Variants in ADGRA3 observed in about 807,000 individuals in gnomAD.
The protein encoded by ADGRA3 is G-protein coupled receptor 125.
ADGRA3 carries 56 observed loss-of-function variants against 119.8 expected under a neutral mutation model. The observed-to-expected ratio is 0.47, with a 90% confidence interval of 0.38 to 0.58. ADGRA3 has a LOEUF of 0.58. ADGRA3 is among the 20% of genes least tolerant of loss of function. ADGRA3 has a pLI of 0.00. For synonymous variants in ADGRA3, 607 were observed against 623.8 expected (o/e 0.97, Z 0.40); for missense variants, 1,516 against 1,649.0 (o/e 0.92, Z 1.40).
chr4:22,442,990 T>G, intron 6 of ADGRA3, 127 bp from the exon 7 acceptor site: 116 of 720,086 alleles, frequency 1.6e-4, no homozygotes, highest in Non-Finnish European at 2.6e-4. Flanking sequence ...ATCAGCATGC[T>G]ACTGCTAGTA....
At chr4:22,412,549 A>G (rs1400587291) in intron 14 of ADGRA3, among the ~76,000 whole-genome samples, 1 of 152,178 alleles carries the variant, frequency 6.6e-6, no homozygotes, top group Admixed American at 6.5e-5. Flanking sequence ...CAAATATTCC[A>G]AAATCTGAAA....
In ADGRA3 at chr4:22,480,789, A is replaced by C. The variant is rs138623749; in HGVS notation, c.258-6946T>G. Among the ~76,000 whole-genome samples, 416 of 152,298 alleles carry C rather than the reference A, an allele frequency of 2.7e-3. 2 individuals are homozygous for C. Among genetic ancestry groups the C allele is most frequent in the African/African-American group, 9.7e-3 (403 of 41,562 alleles). The stretch of plus-strand genomic sequence containing the variant: ...ATGGAATTCTTTTGTCTATCTACAA[A>C]ATGAAATACCAGAAAGATGCAGTGT... On this transcript the variant is annotated intron_variant, in intron 1 of 18. Transcript: ENST00000334304.
chr4:22,389,174 C>G lies in ADGRA3; in HGVS notation c.2637G>C (p.Leu879=). 6.2e-7 allele frequency: 1 copy of G among 1,611,586 alleles called. No individual in the cohort carries two copies. The highest frequency in any genetic ancestry group is 1.1e-5 in the South Asian group (1 of 90,934). The change falls in exon 18 of 19, where the codon CTG becomes CTC. Residue 879 remains leucine (L), a synonymous_variant. Coordinates refer to ENST00000334304, the MANE Select transcript of ADGRA3 (RefSeq NM_145290.4). The part of the protein sequence containing the change: ...PPPRPMLRFY[L]IGGGIPIIVC... ...CAATGATGGGGATACCACCACCAAT[C>G]AGGTAAAATCTAGAAGGAGGAATCA...
At position 22,454,834 on chromosome 4, in the gene ADGRA3, A is replaced by AT; in HGVS notation, c.473+31dup. 3 of 1,532,636 alleles carry AT rather than the reference A, an allele frequency of 2.0e-6. No individual in the cohort carries two copies. In the South Asian group the frequency reaches 3.4e-5, roughly 17 times the overall value. The allele number at this position is 1,532,636 out of a possible 1,614,324, so 94.9% of individuals were successfully genotyped here. ...TAGGTACTGGCTCAAATGCTTCCTTATCTTTTAATGGGAAAGAAAAGATAT... is the reference window on the plus strand; with the variant it reads ...TAGGTACTGGCTCAAATGCTTCCTTATTCTTTTAATGGGAAAGAAAAGATAT... On this transcript the variant is annotated intron_variant, in intron 4 of 18. Transcript: ENST00000334304.
chr4:22,444,231 C>T (rs530741701), intron 6 of ADGRA3, among the ~76,000 whole-genome samples: 65 of 152,186 alleles, frequency 4.3e-4, no homozygotes, highest in African/African-American at 1.5e-3. Flanking sequence ...ACATACAAAG[C>T]TGATCATTTC....
In ADGRA3 at chr4:22,388,094, C is replaced by A; in HGVS notation, c.3577G>T (p.Asp1193Tyr). The A allele has an allele frequency of 1.9e-6, 3 of 1,614,152 alleles. No homozygotes were observed. The highest frequency in any genetic ancestry group is 2.5e-6 in the Non-Finnish European group (3 of 1,180,018). Residue 1193 changes from aspartate (D) to tyrosine (Y), a missense_variant, in exon 19 of 19, where the codon GAT (aspartate) becomes TAT (tyrosine). By Grantham distance (160) the Asp-to-Tyr change is radical (BLOSUM62 -3). Around this residue, in one of 2 missense-constraint regions of ADGRA3, gnomAD observed 1,088 missense variants for 1,107.1 expected, o/e 0.98. Coordinates refer to ENST00000334304, the MANE Select transcript of ADGRA3 (RefSeq NM_145290.4). ...RLTVLREYAY[D>Y]VPTSVEGSVQ... ...CTTCCTTCCACGCTCGTTGGGACAT[C>A]GTAGGCATATTCTCTCAGGACTGTG...
intron 2 of ADGRA3, among the ~76,000 whole-genome samples, chr4:22,462,016 T>G (rs1485346679): frequency 2.0e-5 from 3 of 152,174 alleles, no homozygotes; most frequent in Admixed American, 2.0e-4. Flanking sequence ...GCCTTTTGGT[T>G]TGGTCAATAA....
intron 16 of ADGRA3, chr4:22,392,937 C>T (rs541470082): frequency 8.0e-5 from 33 of 413,522 alleles, no homozygotes; most frequent in Non-Finnish European, 1.4e-4. Context: ...ATACCAAAGA[C>T]GACCCTTAAT....
At chr4:22,418,115 C>T (rs1715500737) in intron 12 of ADGRA3, among the ~76,000 whole-genome samples, 1 of 152,114 alleles carries the variant, frequency 6.6e-6, no homozygotes, top group African/African-American at 2.4e-5. Flanking sequence ...GTTATGGTAT[C>T]CACAGTGAAA....
intron 17 of ADGRA3, among the ~76,000 whole-genome samples, chr4:22,391,580 G>T (rs892492347): frequency 2.0e-5 from 3 of 151,236 alleles, no homozygotes; most frequent in African/African-American, 7.4e-5. Flanking sequence ...AGAATTCCTT[G>T]TTCTTAGGAA....
chr4:22,515,479 TAAGAA>T, intron 1 of ADGRA3, 44 bp downstream of exon 1: 3 of 1,574,758 alleles, frequency 1.9e-6, no homozygotes, highest in Non-Finnish European at 2.6e-6. Context: ...AGCGGAGAGA[TAAGAA>T]AGAGCCGAGC....
intron 3 of ADGRA3, among the ~76,000 whole-genome samples, chr4:22,461,344 G>C (rs991756888): frequency 6.6e-6 from 1 of 152,082 alleles, no homozygotes; most frequent in East Asian, 1.9e-4. Context: ...ACAGAGTCTC[G>C]CTCTGTCTTG....
In ADGRA3 at chr4:22,515,602, G is replaced by C; in HGVS notation, c.183C>G (p.Gly61=). ...GAGRAAGAAE[G]KVVCSSLELA... ...GTTCCAGGCTGCTGCACACCACCTT[G>C]CCCTCGGCGGCGCCCGCCGCCCTGC... Residue 61 remains glycine (G), a synonymous_variant, in exon 1 of 19, where the codon GGC becomes GGG. Transcript: ENST00000334304. The C allele has an allele frequency of 6.4e-7, 1 of 1,558,980 alleles. No homozygotes were observed. Among genetic ancestry groups the C allele is most frequent in the Non-Finnish European group, 8.7e-7 (1 of 1,153,718 alleles).
chr4:22,462,021 C>T (rs1717481375), intron 2 of ADGRA3, among the ~76,000 whole-genome samples: 1 of 151,962 alleles, frequency 6.6e-6, no homozygotes, highest in African/African-American at 2.4e-5. Flanking sequence ...TTGGTTTGGT[C>T]AATAAAATAA....
intron 1 of ADGRA3, among the ~76,000 whole-genome samples, chr4:22,490,994 G>A (rs2109148844): frequency 6.6e-6 from 1 of 152,274 alleles, no homozygotes; most frequent in Non-Finnish European, 1.5e-5. Context: ...TTCATGAATG[G>A]ATCAAGGGAG....
intron 8 of ADGRA3, among the ~76,000 whole-genome samples, chr4:22,437,343 T>A (rs2109063637): frequency 6.6e-6 from 1 of 152,306 alleles, no homozygotes; most frequent in African/African-American, 2.4e-5. Flanking sequence ...TATTGCTTCT[T>A]TACTTTGGAT....
intron 1 of ADGRA3, among the ~76,000 whole-genome samples, chr4:22,488,880 A>G (rs1187784100): frequency 6.6e-6 from 1 of 152,196 alleles, no homozygotes; most frequent in Non-Finnish European, 1.5e-5. Flanking sequence ...AAAAAGGAGA[A>G]GAGTGGCAAT....
At chr4:22,424,953 T>C (rs1482465515) in intron 10 of ADGRA3, among the ~76,000 whole-genome samples, 1 of 151,868 alleles carries the variant, frequency 6.6e-6, no homozygotes, top group East Asian at 1.9e-4. Context: ...CCCATGCCTA[T>C]AGTCCCAGCT....
chr4:22,474,932 T>C (rs1024727758), intron 1 of ADGRA3, among the ~76,000 whole-genome samples: 1 of 152,178 alleles, frequency 6.6e-6, no homozygotes, highest in Non-Finnish European at 1.5e-5. Context: ...CAAATGTAAA[T>C]GGAGCATACC....
Sources: allele counts gnomAD v4.1 joint callset (sites outside exome capture counted in the v4.1 genomes callset), GRCh38; gene constraint gnomAD v4.1.1; regional missense constraint gnomAD v4.1.1; transcripts MANE v1.5; gene names NCBI Gene and HGNC (gene_info 2026-07-23, HGNC 2026-07-21).